The following ETNK1 variants were observed in gnomAD, a reference collection of about 807,000 sequenced individuals.
ETNK1 encodes putative protein product of Nbla10396.
In ETNK1, 8 loss-of-function variants were observed where a neutral mutation model predicts 45.1. The observed-to-expected ratio is 0.18, with a 90% CI of 0.10 to 0.32. ETNK1 has a LOEUF of 0.32. Among genes scored for constraint, ETNK1 ranks in the 10% least tolerant of loss-of-function variants. The probability of loss-of-function intolerance (pLI) is 1.00; values close to 1 mark genes in which losing one functional copy is unlikely to be tolerated. For missense variants in ETNK1, 302 were observed against 430.6 expected (o/e 0.70, Z 2.64); for synonymous variants, 152 against 151.9 (o/e 1.00, Z -0.01).
chr12:22,626,629 A>T (rs1004621014), intron 1 of ETNK1, among the ~76,000 whole-genome samples: 8 of 152,234 alleles, frequency 5.3e-5, no homozygotes, highest in Non-Finnish European at 1.2e-4. Context: ...AAACATGAGC[A>T]GTGCCTAGGG....
chr12:22,665,002 T>C (rs1332944900), intron 4 of ETNK1, among the ~76,000 whole-genome samples: 1 of 152,160 alleles, frequency 6.6e-6, no homozygotes, highest in Non-Finnish European at 1.5e-5. Context: ...TCTCTACATA[T>C]ATGTTTAAAC....
chr12:22,658,253 A>G lies in ETNK1; in HGVS notation c.417-761A>G, dbSNP rs568634859. The stretch of plus-strand genomic sequence containing the variant: ...ACAGAGGGGCCTCAAAGAGAGAGAG[A>G]AAGAAGGACCTCCAGCCTAGGAGGT... On this transcript the variant is annotated intron_variant, in intron 2 of 7. Coordinates refer to ENST00000266517, the MANE Select transcript of ETNK1 (RefSeq NM_018638.5). 2.1e-4 allele frequency among the ~76,000 whole-genome samples: 32 copies of G among 152,276 alleles called. No individual in the cohort carries two copies. In the East Asian group the frequency reaches 6.0e-3, roughly 29 times the overall value.
intron 1 of ETNK1, among the ~76,000 whole-genome samples, chr12:22,640,129 T>C (rs543310638): frequency 8.5e-5 from 13 of 152,280 alleles, no homozygotes; most frequent in African/African-American, 3.1e-4. Flanking sequence ...TTTTAACCAA[T>C]ATAGATGTTG....
chr12:22,674,492 G>A (rs1565447962), intron 6 of ETNK1, among the ~76,000 whole-genome samples: 1 of 152,140 alleles, frequency 6.6e-6, no homozygotes, highest in Non-Finnish European at 1.5e-5. Context: ...GTCCTGAAAT[G>A]TTCCTTTACC....
At chr12:22,655,484 G>A (rs941755832) in intron 2 of ETNK1, among the ~76,000 whole-genome samples, 1 of 151,328 alleles carries the variant, frequency 6.6e-6, no homozygotes, top group Admixed American at 6.6e-5. Flanking sequence ...TTACAGGCAC[G>A]TATCACCACA....
Position 22,689,745 on chromosome 12 carries a change from A to G in ETNK1, c.*4791A>G, listed in dbSNP as rs560197978. On this transcript the variant is annotated 3_prime_UTR_variant, in exon 8 of 8. Coordinates refer to ENST00000266517, the MANE Select transcript of ETNK1 (RefSeq NM_018638.5). Reference sequence around the variant, plus strand: ...AGACCCCAAAAAGGCAGTAGAGGAGATTAGTGTTTACTTGCTGTGGTTGTG... The same window carrying G: ...AGACCCCAAAAAGGCAGTAGAGGAGGTTAGTGTTTACTTGCTGTGGTTGTG... 1 of 152,056 alleles carries G rather than the reference A, an allele frequency of 6.6e-6. No homozygotes were observed. Among genetic ancestry groups the G allele is most frequent in the Admixed American group, 6.6e-5 (1 of 15,266 alleles). The allele number at this position is 152,056 out of a possible 1,614,324, so 9.4% of individuals were successfully genotyped here.
chr12:22,655,580 A>G (rs893216998), intron 2 of ETNK1, among the ~76,000 whole-genome samples: 2 of 152,050 alleles, frequency 1.3e-5, no homozygotes, highest in African/African-American at 2.4e-5. Flanking sequence ...CAGGTGATCT[A>G]CCTGCCTCGG....
In ETNK1 at chr12:22,643,988, G is replaced by C. The variant is rs1292861260; in HGVS notation, c.382G>C (p.Asp128His). 1 of 1,607,928 alleles carries C rather than the reference G, an allele frequency of 6.2e-7. No homozygotes were observed. The change falls in exon 2 of 8, where the codon GAT becomes CAT. Residue 128 changes from aspartate (D) to histidine (H), a missense_variant. Coordinates refer to ENST00000266517, the MANE Select transcript of ETNK1 (RefSeq NM_018638.5). The part of the protein sequence containing the change: ...CYEFIQGEAL[D>H]PKHVCNPAIF... ...TGAATTTATACAAGGAGAAGCACTGGATCCAAAGCATGTCTGCAACCCAGC... is the reference window on the plus strand; with the variant it reads ...TGAATTTATACAAGGAGAAGCACTGCATCCAAAGCATGTCTGCAACCCAGC...
chr12:22,663,079 A>G (rs1354477266), intron 4 of ETNK1, among the ~76,000 whole-genome samples: 3 of 152,202 alleles, frequency 2.0e-5, no homozygotes, highest in African/African-American at 7.2e-5. Flanking sequence ...AATCATTTTT[A>G]AAATTTCGAG....
At chr12:22,637,747 A>G (rs1953673667) in intron 1 of ETNK1, among the ~76,000 whole-genome samples, 1 of 152,236 alleles carries the variant, frequency 6.6e-6, no homozygotes, top group African/African-American at 2.4e-5. Context: ...AATTTACAGT[A>G]TATCTCATTT....
At chr12:22,667,716 G>T (rs1954067847) in intron 4 of ETNK1, among the ~76,000 whole-genome samples, 1 of 152,104 alleles carries the variant, frequency 6.6e-6, no homozygotes, top group South Asian at 2.1e-4. Flanking sequence ...GATTTTTCAG[G>T]TTCTCATATT....
At chr12:22,648,816 T>A (rs1359479897) in intron 2 of ETNK1, among the ~76,000 whole-genome samples, 1 of 152,080 alleles carries the variant, frequency 6.6e-6, no homozygotes, top group Non-Finnish European at 1.5e-5. Context: ...CCAGAATGGC[T>A]GTGCTATTTT....
intron 2 of ETNK1, among the ~76,000 whole-genome samples, chr12:22,646,671 C>T (rs1481354198): frequency 1.3e-5 from 2 of 151,754 alleles, no homozygotes; most frequent in African/African-American, 2.4e-5. Flanking sequence ...TGTTGATGAG[C>T]GCTTTAGATC....
Position 22,635,626 on chromosome 12 carries a change from G to T in ETNK1, c.157-8137G>T, listed in dbSNP as rs779816213. 3.9e-5 allele frequency among the ~76,000 whole-genome samples: 6 copies of T among 152,090 alleles called. No homozygotes were observed. In the South Asian group the frequency reaches 6.2e-4, roughly 16 times the overall value. ...ATGTTTTCTAATTGCCATTGTGGTG[G>T]TTTTTTCTTTATCTCACTCATTTTA... is the stretch of plus-strand genomic sequence containing the variant. On this transcript the variant is annotated intron_variant, in intron 1 of 7. Coordinates refer to ENST00000266517, the MANE Select transcript of ETNK1 (RefSeq NM_018638.5).
chr12:22,635,646 A>G (rs949482573), intron 1 of ETNK1, among the ~76,000 whole-genome samples: 2 of 152,026 alleles, frequency 1.3e-5, no homozygotes, highest in Non-Finnish European at 2.9e-5. Flanking sequence ...TATCTCACTC[A>G]TTTTACATAT....
Position 22,690,265 on chromosome 12 carries a change from C to T in ETNK1, c.*5311C>T, listed in dbSNP as rs1362854819. ...TTTTGATGTAGGTGTTTTGCTATGC[C>T]TCAGAAAATATCTGTCTGAGAATTT... On this transcript the variant is annotated 3_prime_UTR_variant, in exon 8 of 8. Transcript: ENST00000266517. The T allele has an allele frequency of 6.6e-6, 1 of 152,434 alleles. No homozygotes were observed. The highest frequency in any genetic ancestry group is 2.4e-5 in the African/African-American group (1 of 41,410). 9.4% of individuals were successfully genotyped at this position (152,434 alleles called of 1,614,324 possible). A position where few individuals can be genotyped will look rare whatever the true frequency, so the allele number is the denominator to read the frequency against.
intron 2 of ETNK1, among the ~76,000 whole-genome samples, chr12:22,649,431 C>T (rs917400362): frequency 5.3e-5 from 8 of 151,970 alleles, no homozygotes; most frequent in East Asian, 1.9e-4. Context: ...TGTTTTTGCA[C>T]GTGAAGGTCC....
intron 1 of ETNK1, among the ~76,000 whole-genome samples, chr12:22,642,502 G>T (rs1953752110): frequency 6.6e-6 from 1 of 151,834 alleles, no homozygotes; most frequent in Non-Finnish European, 1.5e-5. Flanking sequence ...AAGTTTTACT[G>T]CATTATGTGA....
rs145535259 is a variant in ETNK1 at position 22,655,710 on chromosome 12, C to A, written c.417-3304C>A. ...ATTGAATTTTAAAGTTTAAATAGAT[C>A]AAATTTTTTGTAGATGTTAATTTTT... On this transcript the variant is annotated intron_variant, in intron 2 of 7. Coordinates refer to ENST00000266517, the MANE Select transcript of ETNK1 (RefSeq NM_018638.5). 5.5e-3 allele frequency among the ~76,000 whole-genome samples: 837 copies of A among 152,226 alleles called. 7 individuals carry two copies. Among genetic ancestry groups the A allele is most frequent in the African/African-American group, 0.019 (795 of 41,554 alleles).
Sources: gnomAD v4.1 joint callset for allele counts (sites outside exome capture counted in the v4.1 genomes callset) on GRCh38, gnomAD v4.1.1 for gene constraint, MANE v1.5 for transcripts, NCBI Gene and HGNC (gene_info 2026-07-23, HGNC 2026-07-21) for gene names.